The following CYP4Z1 variants were observed in gnomAD, a reference collection of about 807,000 sequenced individuals.
The protein encoded by CYP4Z1 is cytochrome P450 4Z1.
CYP4Z1 carries 41 observed loss-of-function variants against 54.2 expected under a neutral mutation model. The ratio of observed to expected loss-of-function variants is 0.76; its 90% CI spans 0.59 to 0.98. CYP4Z1 has a LOEUF of 0.98. CYP4Z1 is among the 50% of genes least tolerant of loss of function. The pLI, the probability that CYP4Z1 is intolerant of heterozygous loss-of-function variation, is 0.00. For synonymous variants in CYP4Z1, 163 were observed against 206.2 expected, an observed-to-expected ratio of 0.79 and a Z score of 1.79; for missense variants, 513 against 599.0, an observed-to-expected ratio of 0.86 and a Z score of 1.50.
chr1:47,103,369 G>T (rs958588889), intron 8 of CYP4Z1, among the ~76,000 whole-genome samples: 3 of 150,542 alleles, frequency 2.0e-5, no homozygotes, highest in African/African-American at 7.3e-5. Flanking sequence ...ATAGAGATAG[G>T]ATCTCACAAT....
intron 1 of CYP4Z1, 53 bp from the exon 2 acceptor site, chr1:47,068,569 G>T (rs1644467664): frequency 2.5e-6 from 4 of 1,597,868 alleles, no homozygotes; most frequent in Admixed American, 3.4e-5. Flanking sequence ...AGGGAAAGGG[G>T]TCCTCCTGGG....
chr1:47,102,067 C>T (rs556953684), intron 8 of CYP4Z1, among the ~76,000 whole-genome samples: 4 of 152,126 alleles, frequency 2.6e-5, no homozygotes, highest in African/African-American at 9.6e-5. Flanking sequence ...AAACATAGCT[C>T]CTCCTACTCA....
chr1:47,066,946 A>G (rs1162234198), upstream of CYP4Z1, among the ~76,000 whole-genome samples: 1 of 152,040 alleles, frequency 6.6e-6, no homozygotes, highest in African/African-American at 2.4e-5. Flanking sequence ...GTGTCATTGT[A>G]GGTTCATTAA....
intron 9 of CYP4Z1, among the ~76,000 whole-genome samples, chr1:47,112,752 TAAAAC>T (rs762093749): frequency 1.3e-5 from 2 of 151,662 alleles, no homozygotes; most frequent in Non-Finnish European, 2.9e-5. Context: ...TAAAATAAAA[TAAAAC>T]AGTGCATCAT....
Position 47,099,303 on chromosome 1 carries a change from T to C in CYP4Z1, c.1067+19T>C. 6.4e-7 allele frequency: 1 copy of C among 1,560,184 alleles called. No individual in the cohort carries two copies. The highest frequency in any genetic ancestry group is 8.6e-7 in the Non-Finnish European group (1 of 1,156,452). ...TTACCTGGTAAGACCTGTATTCCTA[T>C]TTCATCCTGAATTTTCCCCTTATAC... On this transcript the variant is annotated intron_variant, in intron 8 of 11. Transcript: ENST00000334194.
chr1:47,083,826 C>T (rs963295663), intron 4 of CYP4Z1, among the ~76,000 whole-genome samples: 6 of 152,086 alleles, frequency 3.9e-5, no homozygotes, highest in Non-Finnish European at 8.8e-5. Context: ...AAACAGACAC[C>T]ACCCCCATTA....
Position 47,068,611 on chromosome 1 carries a change from T to C in CYP4Z1, c.178-11T>C. Reference sequence around the variant, plus strand: ...ACCTTTACTAACCAGTCATGACTTATCTTATGACAGTTTTACCCAGTAAAG... The same window carrying C: ...ACCTTTACTAACCAGTCATGACTTACCTTATGACAGTTTTACCCAGTAAAG... On this transcript the variant is annotated splice_polypyrimidine_tract_variant and intron_variant, in intron 1 of 11. Transcript: ENST00000334194. 1 of 1,613,692 alleles carries C rather than the reference T, an allele frequency of 6.2e-7. No individual in the cohort carries two copies. Among genetic ancestry groups the C allele is most frequent in the Non-Finnish European group, 8.5e-7 (1 of 1,179,714 alleles).
chr1:47,057,433 T>TG, the CYP4Z1 span, among the ~76,000 whole-genome samples: 2 of 141,852 alleles, frequency 1.4e-5, no homozygotes, highest in Non-Finnish European at 3.1e-5. Flanking sequence ...ACTACATGTA[T>TG]GTCAGATTAT....
At chr1:47,101,017 C>A (rs924765288) in intron 8 of CYP4Z1, among the ~76,000 whole-genome samples, 2 of 152,162 alleles carry the variant, frequency 1.3e-5, no homozygotes, top group Admixed American at 1.3e-4. Context: ...TTATCCATTT[C>A]TTCTAGGTTT....
At chr1:47,112,678 G>A (rs1192765279) in intron 9 of CYP4Z1, among the ~76,000 whole-genome samples, 1 of 151,806 alleles carries the variant, frequency 6.6e-6, no homozygotes. Flanking sequence ...CGAACACTTT[G>A]TGAGGTCAAG....
chr1:47,058,069 G>T, the CYP4Z1 span, among the ~76,000 whole-genome samples: 5 of 151,824 alleles, frequency 3.3e-5, no homozygotes, highest in African/African-American at 7.3e-5. Flanking sequence ...ACTTTACTTG[G>T]TTCTGAATCA....
chr1:47,088,941 C>T (rs1161301955), intron 6 of CYP4Z1, among the ~76,000 whole-genome samples: 2 of 148,738 alleles, frequency 1.3e-5, no homozygotes, highest in African/African-American at 5.1e-5. Flanking sequence ...TTCTCATATG[C>T]AGCATTTATT....
upstream of CYP4Z1, among the ~76,000 whole-genome samples, chr1:47,065,253 A>T (rs897233164): frequency 6.6e-6 from 1 of 152,156 alleles, no homozygotes; most frequent in Non-Finnish European, 1.5e-5. Context: ...TACATAGAAC[A>T]TTCTCCAAGA....
At chr1:47,100,754 T>C (rs530994655) in intron 8 of CYP4Z1, among the ~76,000 whole-genome samples, 1 of 152,340 alleles carries the variant, frequency 6.6e-6, no homozygotes, top group African/African-American at 2.4e-5. Context: ...TTTATGTATA[T>C]GAAAAAACAG....
At chr1:47,105,310 A>G (rs1405695590) in intron 8 of CYP4Z1, among the ~76,000 whole-genome samples, 1 of 152,084 alleles carries the variant, frequency 6.6e-6, no homozygotes, top group Non-Finnish European at 1.5e-5. Context: ...AGCTCTCCAG[A>G]TGATGCCACA....
chr1:47,097,820 A>AT (rs35258883), intron 7 of CYP4Z1, among the ~76,000 whole-genome samples: 8,914 of 128,322 alleles, frequency 0.069, 545 homozygotes, highest in African/African-American at 0.14. Flanking sequence ...GTTCCATATG[A>AT]TTTTTTTTTT....
intron 7 of CYP4Z1, 46 bp from the exon 8 acceptor site, chr1:47,099,048 C>A (rs1644700415): frequency 6.3e-7 from 1 of 1,584,210 alleles, no homozygotes; most frequent in African/African-American, 1.3e-5. Flanking sequence ...AAAAAGATAA[C>A]AATCCATAGC....
At chr1:47,103,575 C>CTTT (rs369939162) in intron 8 of CYP4Z1, among the ~76,000 whole-genome samples, 6 of 128,590 alleles carry the variant, frequency 4.7e-5, no homozygotes, top group African/African-American at 5.9e-5. Context: ...TCACCTTCTT[C>CTTT]TTTTTTTTTT....
Position 47,115,569 on chromosome 1 carries a change from C to T in CYP4Z1, c.1242C>T (p.Asn414=). The T allele has an allele frequency of 2.5e-6, 4 of 1,613,594 alleles. No individual in the cohort carries two copies. Among genetic ancestry groups the T allele is most frequent in the South Asian group, 1.1e-5 (1 of 91,060 alleles). ...TCAATATTTGGGCTCTTCACCACAA[C>T]CCCTATTTCTGGGAAGACCCTCAGG... is the stretch of plus-strand genomic sequence containing the variant. ...VFINIWALHH[N]PYFWEDPQVF... The change falls in exon 10 of 12, where the codon AAC becomes AAT. Residue 414 remains asparagine (N), a synonymous_variant. Transcript: ENST00000334194.
Sources: gnomAD v4.1 joint callset for allele counts (sites outside exome capture counted in the v4.1 genomes callset) on GRCh38, gnomAD v4.1.1 for gene constraint, MANE v1.5 for transcripts, NCBI Gene and HGNC (gene_info 2026-07-23, HGNC 2026-07-21) for gene names.